Variants in SLC25A3 observed in about 807,000 individuals in gnomAD.
SLC25A3 encodes the protein phosphate transport protein.
In SLC25A3, 14 loss-of-function variants were observed where a neutral mutation model predicts 37.1. The observed-to-expected ratio is 0.38, with a 90% CI of 0.25 to 0.59. The LOEUF is 0.59. Ranked by LOEUF, SLC25A3 falls within the 20% of genes least tolerant of loss-of-function variation. SLC25A3 has a pLI of 0.67. For missense variants in SLC25A3, 385 were observed against 458.1 expected (o/e 0.84, Z 1.46); for synonymous variants, 161 against 168.7 (o/e 0.95, Z 0.36).
Position 98,602,204 on chromosome 12 carries a change from T to C in SLC25A3, c.*676T>C, listed in dbSNP as rs1592981228. On this transcript the variant is annotated 3_prime_UTR_variant, in exon 8 of 8. Coordinates refer to ENST00000552981, the MANE Select transcript of SLC25A3 (RefSeq NM_002635.4). ...TTTTTGAGACGGAGTTTCACTCTTGTTGCCCAGACGAGTGTAGTGTCGCGA... is the reference window on the plus strand; with the variant it reads ...TTTTTGAGACGGAGTTTCACTCTTGCTGCCCAGACGAGTGTAGTGTCGCGA... The C allele has an allele frequency of 1.3e-5, 2 of 153,038 alleles. No homozygotes were observed. The highest frequency in any genetic ancestry group is 2.1e-4 in the South Asian group (1 of 4,850). 9.5% of individuals were successfully genotyped at this position (153,038 alleles called of 1,614,324 possible). A position where few individuals can be genotyped will look rare whatever the true frequency, so the allele number is the denominator to read the frequency against.
intron 3 of SLC25A3, among the ~76,000 whole-genome samples, chr12:98,596,934 G>T (rs1412758204): frequency 6.6e-6 from 1 of 152,076 alleles, no homozygotes; most frequent in South Asian, 2.1e-4. Context: ...CAGGAGAATC[G>T]CTTGAACCTG....
rs183716041 is a variant in SLC25A3 at position 98,598,155 on chromosome 12, A to G, written c.459+120A>G. On this transcript the variant is annotated intron_variant, in intron 4 of 7. Coordinates refer to ENST00000552981, the MANE Select transcript of SLC25A3 (RefSeq NM_002635.4). ...AGAAAATGGTCCTACAAAGTGAGCA[A>G]CTTGTTTTAAATCGTATGCCTGTGT... 1.6e-4 allele frequency: 158 copies of G among 960,810 alleles called. 1 individual carries two copies. The African/African-American group carries it at 2.4e-3, about 15-fold the overall frequency. The allele number at this position is 960,810 out of a possible 1,614,324, so 59.5% of individuals were successfully genotyped here.
In SLC25A3 at chr12:98,598,098, T is replaced by G. The variant is rs538187177; in HGVS notation, c.459+63T>G. The G allele has an allele frequency of 1.6e-4, 253 of 1,563,608 alleles. 1 individual carries two copies. In the Middle Eastern group the frequency reaches 5.2e-3, roughly 32 times the overall value. ...TTAAGACTTTCCGAGTGTTCTTAGA[T>G]TTTTGTCTGTCTTGCCTTATTTTAG... On this transcript the variant is annotated intron_variant, in intron 4 of 7. Coordinates refer to ENST00000552981, the MANE Select transcript of SLC25A3 (RefSeq NM_002635.4).
chr12:98,593,763 C>T, intron 1 of SLC25A3, 23 bp downstream of exon 1: 1 of 612,044 alleles, frequency 1.6e-6, no homozygotes, highest in South Asian at 1.9e-5. Context: ...GGGCCTTCTC[C>T]TGTGGCGGGT....
At chr12:98,593,932 G>A in intron 1 of SLC25A3, 43 bp from the exon 2 acceptor site, 2 of 1,612,338 alleles carry the variant, frequency 1.2e-6, no homozygotes, top group Non-Finnish European at 1.7e-6. Flanking sequence ...AACGTTAACC[G>A]GCGCCTTGCC....
rs140436387 is a variant in SLC25A3 at position 98,594,112 on chromosome 12, A to T, written c.134A>T (p.Asn45Ile). The T allele has an allele frequency of 6.2e-7, 1 of 1,611,454 alleles. No individual in the cohort carries two copies. The change falls in exon 2 of 8, where the codon AAC becomes ATC. Residue 45 changes from asparagine (N) to isoleucine (I), a missense_variant. Physicochemically the swap from Asn to Ile is moderately radical, Grantham distance 149 (BLOSUM62 -3). Around this residue, in one of 2 missense-constraint regions of SLC25A3, gnomAD observed 109 missense variants for 90.5 expected, o/e 1.20. Transcript: ENST00000552981. The stretch of plus-strand genomic sequence containing the variant: ...ACGGGCCAGCCCCGCCGCCCTCGCA[A>T]CCTGGCAGCCGCCGCCGTGGAAGGT... Reference protein sequence around the residue: ...GPTGQPRRPRNLAAAAVEEYS... With the variant: ...GPTGQPRRPRILAAAAVEEYS...
At position 98,602,850 on chromosome 12, in the gene SLC25A3, A is replaced by G. The variant is rs983108335; in HGVS notation, c.*1322A>G. 3 of 152,246 alleles carry G rather than the reference A, an allele frequency of 2.0e-5. No homozygotes were observed. The highest frequency in any genetic ancestry group is 2.9e-5 in the Non-Finnish European group (2 of 68,046). The allele number at this position is 152,246 out of a possible 1,614,324, so 9.4% of individuals were successfully genotyped here. On this transcript the variant is annotated 3_prime_UTR_variant, in exon 8 of 8. Coordinates refer to ENST00000552981, the MANE Select transcript of SLC25A3 (RefSeq NM_002635.4). ...AAAGCGTACAGATGGCCTGGAGAGA[A>G]AAACTTTTTCAGAGATTGGAGAGAA...
chr12:98,600,382 G>A lies in SLC25A3; in HGVS notation c.814+255G>A, dbSNP rs566012685. ...CCTCCCAAGTAGCTGGGACGGGCAT[G>A]CACCGCCATGCCCGGCTGATTTTTG... On this transcript the variant is annotated intron_variant, in intron 6 of 7. Coordinates refer to ENST00000552981, the MANE Select transcript of SLC25A3 (RefSeq NM_002635.4). Among the ~76,000 whole-genome samples, 118 of 151,730 alleles carry A rather than the reference G, an allele frequency of 7.8e-4. 2 individuals are homozygous for A. The South Asian group carries it at 0.024, about 31-fold the overall frequency.
chr12:98,595,331 T>C (rs2097592075), intron 2 of SLC25A3: 1 of 1,275,916 alleles, frequency 7.8e-7, no homozygotes, highest in Admixed American at 1.7e-5. Context: ...GCTATTCAGC[T>C]GTGATAATAG....
Position 98,602,529 on chromosome 12 carries a change from C to T in SLC25A3, c.*1001C>T, listed in dbSNP as rs1396139624. On this transcript the variant is annotated 3_prime_UTR_variant, in exon 8 of 8. Transcript: ENST00000552981. ...TTTTAAGAAAGGTACTGCTTGACAG[C>T]TGAACTATATGAATGCCACTGGGGA... 3 of 152,286 alleles carry T rather than the reference C, an allele frequency of 2.0e-5. No homozygotes were observed. Among genetic ancestry groups the T allele is most frequent in the African/African-American group, 4.8e-5 (2 of 41,548 alleles). 9.4% of individuals were successfully genotyped at this position (152,286 alleles called of 1,614,324 possible).
rs2097600728 is a variant in SLC25A3 at position 98,605,457 on chromosome 12, A to C, written c.*3929A>C. The C allele has an allele frequency of 6.6e-6, 1 of 151,822 alleles. No individual in the cohort carries two copies. The highest frequency in any genetic ancestry group is 1.5e-5 in the Non-Finnish European group (1 of 67,970). The allele number at this position is 151,822 out of a possible 1,614,324, so 9.4% of individuals were successfully genotyped here. A position where few individuals can be genotyped will look rare whatever the true frequency, so the allele number is the denominator to read the frequency against. On this transcript the variant is annotated 3_prime_UTR_variant, in exon 8 of 8. Transcript: ENST00000552981. ...TGATTTTTGGGATCGACATGTCCATAATGTTAATGAAGCGCATAGCAGTCA... is the reference window on the plus strand; with the variant it reads ...TGATTTTTGGGATCGACATGTCCATCATGTTAATGAAGCGCATAGCAGTCA...
At chr12:98,593,795 T>C (rs2097590464) in intron 1 of SLC25A3, 55 bp downstream of exon 1, 1 of 652,830 alleles carries the variant, frequency 1.5e-6, no homozygotes, top group Non-Finnish European at 2.7e-6. Flanking sequence ...AGCCCAGAGC[T>C]CCTGTGGGGC....
In SLC25A3 at chr12:98,593,997, C is replaced by A. The variant is rs746747395; in HGVS notation, c.19C>A (p.His7Asn). The change falls in exon 2 of 8, where the codon CAC becomes AAC. Residue 7 changes from histidine to asparagine, a missense_variant. Physicochemically the swap from His to Asn is moderately conservative, Grantham distance 68. Around this residue, in one of 2 missense-constraint regions of SLC25A3, gnomAD observed 109 missense variants for 90.5 expected, o/e 1.20. Coordinates refer to ENST00000552981, the MANE Select transcript of SLC25A3 (RefSeq NM_002635.4). The stretch of plus-strand genomic sequence containing the variant: ...TAGAAAGATGTTCTCGTCCGTGGCG[C>A]ACCTGGCGCGGGCGAACCCCTTCAA... MFSSVA[H>N]LARANPFNTP... The A allele has an allele frequency of 6.2e-7, 1 of 1,613,926 alleles. No individual in the cohort carries two copies. Among genetic ancestry groups the A allele is most frequent in the African/African-American group, 1.3e-5 (1 of 75,062 alleles).
chr12:98,595,750 G>A lies in SLC25A3; in HGVS notation c.181G>A (p.Ala61Thr), dbSNP rs11544652. The A allele has an allele frequency of 4.1e-5, 66 of 1,614,092 alleles. No individual in the cohort carries two copies. Among genetic ancestry groups the A allele is most frequent in the Non-Finnish European group, 4.8e-5 (57 of 1,179,976 alleles). The change falls in exon 3 of 8, where the codon GCG (alanine) becomes ACG (threonine). Residue 61 changes from alanine to threonine, a missense_variant. This residue lies in a region of SLC25A3 where 109 missense variants were observed against 90.5 expected (regional missense o/e 1.20). Transcript: ENST00000552981. ...VEEYSCEFGS[A>T]KYYALCGFGG... ...AGAGTACAGTTGTGAATTTGGCTCCGCGAAGTATTATGCACTGTGTGGCTT... is the reference window on the plus strand; with the variant it reads ...AGAGTACAGTTGTGAATTTGGCTCCACGAAGTATTATGCACTGTGTGGCTT...
At chr12:98,597,403 A>T (rs1278138806) in intron 3 of SLC25A3, among the ~76,000 whole-genome samples, 1 of 151,546 alleles carries the variant, frequency 6.6e-6, no homozygotes, top group African/African-American at 2.4e-5. Flanking sequence ...GATAAGGGAG[A>T]GCTACTGTAT....
intron 5 of SLC25A3, chr12:98,599,559 C>T (rs2097595971): frequency 2.2e-6 from 1 of 454,182 alleles, no homozygotes; most frequent in Admixed American, 2.5e-5. Context: ...TTGGCCTAAA[C>T]ATTTACTATT....
chr12:98,598,130 A>T, intron 4 of SLC25A3, 95 bp downstream of exon 4: 1 of 1,250,536 alleles, frequency 8.0e-7, no homozygotes, highest in South Asian at 1.2e-5. Flanking sequence ...TTAGCACTGA[A>T]GAAAATGGTC....
chr12:98,597,200 G>C (rs138976005), intron 3 of SLC25A3, among the ~76,000 whole-genome samples: 1 of 152,062 alleles, frequency 6.6e-6, no homozygotes, highest in Middle Eastern at 3.4e-3. Flanking sequence ...CCAAGACTTA[G>C]GTTTGACACA....
intron 5 of SLC25A3, among the ~76,000 whole-genome samples, chr12:98,598,951 A>G (rs1350743454): frequency 6.7e-6 from 1 of 149,862 alleles, no homozygotes; most frequent in Non-Finnish European, 1.5e-5. Context: ...AATTTTTTGT[A>G]TTTTTCAGTA....
Sources: gnomAD v4.1 joint callset for allele counts (sites outside exome capture counted in the v4.1 genomes callset) on GRCh38, gnomAD v4.1.1 for gene constraint, gnomAD v4.1.1 regional missense constraint, MANE v1.5 for transcripts, NCBI Gene and HGNC (gene_info 2026-07-23, HGNC 2026-07-21) for gene names.